The following ROBO1 variants were observed in gnomAD, a reference collection of about 807,000 sequenced individuals.
ROBO1 encodes the protein roundabout homolog 1.
A neutral mutation model predicts 195.9 loss-of-function variants in ROBO1; 149 were observed. The ratio of observed to expected loss-of-function variants is 0.76; its 90% CI spans 0.67 to 0.87. The LOEUF is 0.87. Among genes scored for constraint, ROBO1 ranks in the 40% least tolerant of loss-of-function variants. The probability of loss-of-function intolerance (pLI) is 0.00; values close to 1 mark genes in which losing one functional copy is unlikely to be tolerated. For missense variants in ROBO1, 1,933 were observed against 2,068.3 expected (o/e 0.93, Z 1.27); for synonymous variants, 816 against 733.2 (o/e 1.11, Z -1.82).
chr3:79,053,101 C>G (rs1191766232), intron 3 of ROBO1, among the ~76,000 whole-genome samples: 1 of 151,994 alleles, frequency 6.6e-6, no homozygotes, highest in Admixed American at 6.6e-5. Context: ...GAACTGGTCT[C>G]CAAAGGAAAT....
At chr3:79,185,218 A>G (rs989751105) in intron 2 of ROBO1, among the ~76,000 whole-genome samples, 4 of 151,816 alleles carry the variant, frequency 2.6e-5, no homozygotes, top group African/African-American at 9.7e-5. Flanking sequence ...TTGGTGCTCA[A>G]CTCTTTCTCT....
chr3:79,569,344 TAA>T (rs1200673717), intron 2 of ROBO1, among the ~76,000 whole-genome samples: 1 of 152,226 alleles, frequency 6.6e-6, no homozygotes, highest in African/African-American at 2.4e-5. Context: ...TCTGTGCTGA[TAA>T]AGAGATTAAA....
chr3:79,226,478 A>G (rs545851868), intron 2 of ROBO1, among the ~76,000 whole-genome samples: 1 of 151,796 alleles, frequency 6.6e-6, no homozygotes, highest in South Asian at 2.1e-4. Flanking sequence ...TAGCTCCTAT[A>G]TCATAAAGAC....
chr3:79,420,355 C>T (rs1431786007), intron 2 of ROBO1, among the ~76,000 whole-genome samples: 1 of 152,124 alleles, frequency 6.6e-6, no homozygotes, highest in Admixed American at 6.6e-5. Context: ...AAACCTTCCT[C>T]CAATACATTT....
chr3:78,718,209 A>T (rs1370503825), intron 5 of ROBO1, among the ~76,000 whole-genome samples: 1 of 152,228 alleles, frequency 6.6e-6, no homozygotes, highest in Non-Finnish European at 1.5e-5. Flanking sequence ...AATTGCGTGA[A>T]TAATTTAGTT....
At chr3:79,760,259 A>AAAAAAAAAAAAAAAAAAAAC (rs1704621640) in intron 1 of ROBO1, among the ~76,000 whole-genome samples, 1 of 146,064 alleles carries the variant, frequency 6.8e-6, no homozygotes, top group Non-Finnish European at 1.5e-5. Context: ...AAAAAAAAAA[A>AAAAAAAAAAAAAAAAAAAAC]AAAAAAAAAA....
At chr3:79,453,613 G>A (rs534095171) in intron 2 of ROBO1, among the ~76,000 whole-genome samples, 3 of 152,002 alleles carry the variant, frequency 2.0e-5, no homozygotes, top group Non-Finnish European at 4.4e-5. Context: ...GTAGCTTTGG[G>A]GAGTTGTTCA....
At chr3:78,660,991 A>G (rs1454669811) in intron 16 of ROBO1, 39 bp downstream of exon 16, 3 of 1,335,988 alleles carry the variant, frequency 2.2e-6, no homozygotes, top group Non-Finnish European at 3.2e-6. Flanking sequence ...TAACAAATAT[A>G]CTGCAATGCA....
At chr3:78,939,688 C>T (rs2040027446) in intron 3 of ROBO1, among the ~76,000 whole-genome samples, 1 of 151,128 alleles carries the variant, frequency 6.6e-6, no homozygotes, top group African/African-American at 2.4e-5. Context: ...TATACTAGAA[C>T]TGTCCTTTAT....
intron 3 of ROBO1, among the ~76,000 whole-genome samples, chr3:78,993,861 G>A (rs139510241): frequency 6.6e-6 from 1 of 151,932 alleles, no homozygotes; most frequent in East Asian, 1.9e-4. Context: ...AAGCCAAAAT[G>A]GTTTTTTTTC....
chr3:79,273,890 A>G (rs1197586622), intron 2 of ROBO1, among the ~76,000 whole-genome samples: 1 of 152,034 alleles, frequency 6.6e-6, no homozygotes, highest in African/African-American at 2.4e-5. Context: ...CTATAATACT[A>G]TAGTTCAAAA....
intron 22 of ROBO1, among the ~76,000 whole-genome samples, chr3:78,638,990 A>T (rs1162561196): frequency 6.6e-6 from 1 of 151,784 alleles, no homozygotes; most frequent in Non-Finnish European, 1.5e-5. Flanking sequence ...TACTAAAAAT[A>T]TAAAAATTAG....
At position 79,729,643 on chromosome 3, in the gene ROBO1, A is replaced by T. The variant is rs377268447; in HGVS notation, c.-51+38109T>A. On this transcript the variant is annotated intron_variant, in intron 1 of 30. Transcript: ENST00000464233. ...CTGACTGCCTAAAGCTTATACACATAATTTGCTCTTCATTTTGCTTTGCAT... is the reference window on the plus strand; with the variant it reads ...CTGACTGCCTAAAGCTTATACACATTATTTGCTCTTCATTTTGCTTTGCAT... Among the ~76,000 whole-genome samples the T allele has an allele frequency of 2.0e-5, 3 of 152,268 alleles. No homozygotes were observed. In the South Asian group the frequency reaches 6.2e-4, roughly 32 times the overall value.
intron 2 of ROBO1, among the ~76,000 whole-genome samples, chr3:79,569,183 G>A (rs1367456454): frequency 6.6e-6 from 1 of 152,118 alleles, no homozygotes; most frequent in African/African-American, 2.4e-5. Context: ...AACCTTTAAA[G>A]GTATTGATTT....
intron 2 of ROBO1, among the ~76,000 whole-genome samples, chr3:79,504,432 A>G (rs1029499537): frequency 4.6e-5 from 7 of 152,144 alleles, no homozygotes; most frequent in African/African-American, 1.7e-4. Context: ...GATGTTTCCT[A>G]TGAAGAATGT....
chr3:78,970,887 C>T (rs1476761579), intron 3 of ROBO1, among the ~76,000 whole-genome samples: 4 of 151,870 alleles, frequency 2.6e-5, no homozygotes, highest in African/African-American at 9.7e-5. Context: ...GCTCTTCTCA[C>T]CATAGTTGAT....
At chr3:79,459,714 T>C (rs2039737947) in intron 2 of ROBO1, among the ~76,000 whole-genome samples, 1 of 152,110 alleles carries the variant, frequency 6.6e-6, no homozygotes, top group Admixed American at 6.5e-5. Flanking sequence ...AAATGATCTA[T>C]ATTTTAAGAA....
At chr3:78,716,009 TGC>T (rs201199861) in intron 7 of ROBO1, among the ~76,000 whole-genome samples, 1 of 152,362 alleles carries the variant, frequency 6.6e-6, no homozygotes, top group Admixed American at 6.5e-5. Context: ...CTAAACTTTA[TGC>T]CATTCAAAGG....
chr3:79,372,193 T>C (rs2036220269), intron 2 of ROBO1, among the ~76,000 whole-genome samples: 1 of 140,604 alleles, frequency 7.1e-6, no homozygotes, highest in South Asian at 2.4e-4. Flanking sequence ...GGGACCCCTG[T>C]TCTAGCATTC....
Sources: allele counts gnomAD v4.1 joint callset (sites outside exome capture counted in the v4.1 genomes callset), GRCh38; gene constraint gnomAD v4.1.1; transcripts MANE v1.5; gene names NCBI Gene and HGNC (gene_info 2026-07-23, HGNC 2026-07-21).